The following PDS5B variants were observed in gnomAD, a reference collection of about 807,000 sequenced individuals.
The protein encoded by PDS5B is sister chromatid cohesion protein PDS5 homolog B.
A neutral mutation model predicts 184.1 loss-of-function variants in PDS5B; 51 were observed. That is an observed-to-expected ratio of 0.28 (90% confidence interval 0.22 to 0.35). PDS5B has a LOEUF of 0.35. Ranked by LOEUF, PDS5B falls within the 10% of genes least tolerant of loss-of-function variation. PDS5B has a pLI of 1.00. For missense variants in PDS5B, 1,180 were observed against 1,723.3 expected (o/e 0.68, Z 5.58); for synonymous variants, 566 against 569.2 (o/e 0.99, Z 0.08).
Position 32,758,233 on chromosome 13 carries a change from T to C in PDS5B, c.3189+14T>C. On this transcript the variant is annotated intron_variant, in intron 27 of 34. Transcript: ENST00000315596. ...AAAATGAATGAAGTATGTAATTCTT[T>C]GTAAATAATTATGGTTCCATATTGA... 1 of 1,507,412 alleles carries C rather than the reference T, an allele frequency of 6.6e-7. No homozygotes were observed. The highest frequency in any genetic ancestry group is 1.3e-5 in the South Asian group (1 of 76,486). The allele number at this position is 1,507,412 out of a possible 1,614,324, so 93.4% of individuals were successfully genotyped here.
intron 6 of PDS5B, among the ~76,000 whole-genome samples, chr13:32,664,858 G>T: frequency 1.2e-5 from 1 of 83,422 alleles, no homozygotes; most frequent in Non-Finnish European, 2.6e-5. Flanking sequence ...CTCAAAAAGG[G>T]AAAAAGAAAA....
chr13:32,775,915 T>C lies in PDS5B; in HGVS notation c.*863T>C. 1 of 277,524 alleles carries C rather than the reference T, an allele frequency of 3.6e-6. No individual in the cohort carries two copies. Among genetic ancestry groups the C allele is most frequent in the Non-Finnish European group, 7.1e-6 (1 of 140,388 alleles). The allele number at this position is 277,524 out of a possible 1,614,324, so 17.2% of individuals were successfully genotyped here. On this transcript the variant is annotated 3_prime_UTR_variant, in exon 35 of 35. Coordinates refer to ENST00000315596, the MANE Select transcript of PDS5B (RefSeq NM_015032.4). ...TTCTGTAATTTGAATGAGTTTTTAATAGTCTAGAATGTTATTGTGTATAGA... is the reference window on the plus strand; with the variant it reads ...TTCTGTAATTTGAATGAGTTTTTAACAGTCTAGAATGTTATTGTGTATAGA...
chr13:32,696,935 A>AT (rs1566340820), intron 15 of PDS5B, 33 bp downstream of exon 15: 1 of 1,228,974 alleles, frequency 8.1e-7, no homozygotes, highest in Admixed American at 2.1e-5. Flanking sequence ...TAAAAATGTA[A>AT]TTTTTATTGG....
intron 1 of PDS5B, among the ~76,000 whole-genome samples, chr13:32,607,705 C>T (rs528129646): frequency 2.6e-5 from 4 of 152,338 alleles, no homozygotes; most frequent in African/African-American, 9.6e-5. Context: ...GGGGTGGGCT[C>T]CACCCAGTTC....
chr13:32,665,511 C>G (rs552142596), intron 6 of PDS5B, among the ~76,000 whole-genome samples: 6 of 139,252 alleles, frequency 4.3e-5, no homozygotes, highest in Admixed American at 8.0e-5. Context: ...ATGGTGTGAA[C>G]CCGGGAGGCA....
chr13:32,611,474 A>T (rs1041849371), intron 1 of PDS5B, among the ~76,000 whole-genome samples: 8 of 145,202 alleles, frequency 5.5e-5, no homozygotes, highest in Non-Finnish European at 1.1e-4. Context: ...TGTGAAAGAC[A>T]TTTGATCATT....
At chr13:32,618,451 A>G (rs1453361884) in intron 1 of PDS5B, among the ~76,000 whole-genome samples, 1 of 152,082 alleles carries the variant, frequency 6.6e-6, no homozygotes, top group Non-Finnish European at 1.5e-5. Flanking sequence ...CATCCTGTCC[A>G]GGATGTGAAT....
chr13:32,616,575 A>T (rs540003524), intron 1 of PDS5B, among the ~76,000 whole-genome samples: 1 of 152,300 alleles, frequency 6.6e-6, no homozygotes, highest in Non-Finnish European at 1.5e-5. Context: ...TCTGCATATA[A>T]ATACAAGAAA....
At chr13:32,661,713 C>T (rs563281297) in intron 6 of PDS5B, among the ~76,000 whole-genome samples, 2 of 151,992 alleles carry the variant, frequency 1.3e-5, no homozygotes, top group Admixed American at 1.3e-4. Context: ...AGAGGAAATC[C>T]TTGTCCAGGC....
intron 1 of PDS5B, among the ~76,000 whole-genome samples, chr13:32,631,204 A>C (rs1259312894): frequency 6.9e-6 from 1 of 145,734 alleles, no homozygotes; most frequent in Non-Finnish European, 1.5e-5. Flanking sequence ...TAGCCTCGAC[A>C]TCCCTAGGCT....
intron 34 of PDS5B, among the ~76,000 whole-genome samples, chr13:32,774,591 A>G (rs1954897304): frequency 6.6e-6 from 1 of 152,202 alleles, no homozygotes; most frequent in Non-Finnish European, 1.5e-5. Context: ...ATTTTACTGT[A>G]TTGATAATTG....
chr13:32,605,906 T>C (rs1234350090), intron 1 of PDS5B, among the ~76,000 whole-genome samples: 1 of 136,824 alleles, frequency 7.3e-6, no homozygotes, highest in African/African-American at 2.6e-5. Context: ...TTTTTTTTTT[T>C]TCCCATTTGC....
chr13:32,731,375 A>T (rs999460713), intron 19 of PDS5B, among the ~76,000 whole-genome samples: 2 of 152,174 alleles, frequency 1.3e-5, no homozygotes, highest in Non-Finnish European at 2.9e-5. Context: ...ATGTTCTTCC[A>T]GGTGGCTATA....
intron 8 of PDS5B, 69 bp downstream of exon 8, chr13:32,673,425 A>G: frequency 1.5e-6 from 2 of 1,307,264 alleles, no homozygotes; most frequent in Non-Finnish European, 2.1e-6. Flanking sequence ...ATAGCTTTTT[A>G]ATTTTTACAG....
At chr13:32,661,354 C>G (rs1242774854) in intron 6 of PDS5B, among the ~76,000 whole-genome samples, 1 of 111,234 alleles carries the variant, frequency 9.0e-6, no homozygotes, top group Non-Finnish European at 1.7e-5. Flanking sequence ...ACTGCACACT[C>G]AAGCCTGGGT....
At chr13:32,625,701 A>C (rs549950049) in intron 1 of PDS5B, among the ~76,000 whole-genome samples, 1 of 152,292 alleles carries the variant, frequency 6.6e-6, no homozygotes, top group East Asian at 1.9e-4. Flanking sequence ...TGAAGTACAC[A>C]CAAGAAGCAT....
At chr13:32,588,000 T>G (rs986331049) in intron 1 of PDS5B, among the ~76,000 whole-genome samples, 1 of 152,218 alleles carries the variant, frequency 6.6e-6, no homozygotes, top group African/African-American at 2.4e-5. Context: ...AACGGCAGTA[T>G]AGTCATTGTT....
At chr13:32,594,232 G>A (rs1291324624) in intron 1 of PDS5B, among the ~76,000 whole-genome samples, 4 of 152,122 alleles carry the variant, frequency 2.6e-5, no homozygotes, top group Non-Finnish European at 1.5e-5. Flanking sequence ...GTGCCAAAAT[G>A]TAAGTACACA....
chr13:32,621,565 C>T lies in PDS5B; in HGVS notation c.-19-27189C>T, dbSNP rs191405682. ...AGTTCTTCCAAAATTTGGAACAGCT[C>T]ATCAAGCCTGATGTTTCTTTTTGGG... On this transcript the variant is annotated intron_variant, in intron 1 of 34. Transcript: ENST00000315596. Among the ~76,000 whole-genome samples, 71 of 152,306 alleles carry T rather than the reference C, an allele frequency of 4.7e-4. No homozygotes were observed. The East Asian group carries it at 0.012, about 26-fold the overall frequency.
Sources: gnomAD v4.1 joint callset for allele counts (sites outside exome capture counted in the v4.1 genomes callset) on GRCh38, gnomAD v4.1.1 for gene constraint, MANE v1.5 for transcripts, NCBI Gene and HGNC (gene_info 2026-07-23, HGNC 2026-07-21) for gene names.